Variants in EIF4G3 observed in about 807,000 individuals in gnomAD.
EIF4G3 encodes the protein eukaryotic translation initiation factor 4 gamma 3, also known as eIF-4-gamma 3.
A neutral mutation model predicts 186.4 loss-of-function variants in EIF4G3; 34 were observed. The ratio of observed to expected loss-of-function variants is 0.18; its 90% CI spans 0.14 to 0.24. The LOEUF is 0.24. EIF4G3 is among the 10% of genes least tolerant of loss of function. The pLI, the probability that EIF4G3 is intolerant of heterozygous loss-of-function variation, is 1.00. For missense variants in EIF4G3, 1,536 were observed against 1,948.5 expected (o/e 0.79, Z 3.99); for synonymous variants, 673 against 679.5 (o/e 0.99, Z 0.15).
intron 20 of EIF4G3, among the ~76,000 whole-genome samples, chr1:20,876,390 T>C (rs2080838711): frequency 6.8e-6 from 1 of 148,050 alleles, no homozygotes; most frequent in Non-Finnish European, 1.5e-5. Context: ...TATAAAAGTA[T>C]GAGTAAAATC....
chr1:21,162,651 G>A (rs2097786174), intron 2 of EIF4G3, among the ~76,000 whole-genome samples: 2 of 151,832 alleles, frequency 1.3e-5, no homozygotes, highest in South Asian at 2.1e-4. Context: ...GCTGAGGAAG[G>A]ACAGGAGAAT....
intron 3 of EIF4G3, among the ~76,000 whole-genome samples, chr1:21,071,864 C>T (rs2095452547): frequency 6.6e-6 from 1 of 151,472 alleles, no homozygotes; most frequent in Non-Finnish European, 1.5e-5. Context: ...TAAACAGCTA[C>T]TTCCCAAATG....
chr1:20,812,806 T>A (rs567838026), intron 35 of EIF4G3, among the ~76,000 whole-genome samples: 63 of 152,304 alleles, frequency 4.1e-4, no homozygotes, highest in African/African-American at 1.4e-3. Flanking sequence ...TACTGATAAT[T>A]AGATTAAGAA....
At chr1:21,106,703 T>A (rs1044870824) in intron 2 of EIF4G3, among the ~76,000 whole-genome samples, 4 of 151,462 alleles carry the variant, frequency 2.6e-5, no homozygotes, top group Admixed American at 2.6e-4. Context: ...GTAATGAACA[T>A]AAAAATAGCA....
In EIF4G3 at chr1:20,935,960, G is replaced by A. The variant is rs1337049343; in HGVS notation, c.1663+5531C>T. On this transcript the variant is annotated intron_variant, in intron 14 of 36. Coordinates refer to ENST00000602326, the MANE Select transcript of EIF4G3 (RefSeq NM_001391906.1). The stretch of plus-strand genomic sequence containing the variant: ...AAAAGGGAGCTACATTTTGAACAAA[G>A]TATAACTACTCAGAAAGATGTAGAA... Among the ~76,000 whole-genome samples the A allele has an allele frequency of 2.6e-5, 4 of 152,148 alleles. No individual in the cohort carries two copies. The East Asian group carries it at 7.7e-4, about 29-fold the overall frequency.
At chr1:21,116,304 T>C (rs1295940838) in intron 2 of EIF4G3, among the ~76,000 whole-genome samples, 1 of 152,134 alleles carries the variant, frequency 6.6e-6, no homozygotes, top group East Asian at 1.9e-4. Context: ...TATCTAAAAA[T>C]TTAGTATATC....
intron 34 of EIF4G3, among the ~76,000 whole-genome samples, chr1:20,815,655 G>GGA (rs1349378874): frequency 6.7e-6 from 1 of 149,998 alleles, no homozygotes; most frequent in Admixed American, 6.6e-5. Context: ...GAGGTGGGGG[G>GGA]GGGTCAGCCC....
intron 4 of EIF4G3, among the ~76,000 whole-genome samples, chr1:21,024,448 A>AG (rs1232491007): frequency 6.6e-6 from 1 of 150,992 alleles, no homozygotes. Flanking sequence ...TGGAATAGAA[A>AG]GGGGGGAAAG....
Position 20,809,172 on chromosome 1 carries a change from C to A in EIF4G3, c.4744+1566G>T, listed in dbSNP as rs148455063. Among the ~76,000 whole-genome samples the A allele has an allele frequency of 4.1e-3, 617 of 152,182 alleles. 8 individuals carry two copies. The highest frequency in any genetic ancestry group is 0.014 in the African/African-American group (579 of 41,522). On this transcript the variant is annotated intron_variant, in intron 36 of 36. Transcript: ENST00000602326. Reference sequence around the variant, plus strand: ...AGTTTTAGTAGAGACGGGGTTTCACCATGTTGGCCAGGCTGGTCTCAAACT... The same window carrying A: ...AGTTTTAGTAGAGACGGGGTTTCACAATGTTGGCCAGGCTGGTCTCAAACT...
intron 33 of EIF4G3, among the ~76,000 whole-genome samples, chr1:20,822,123 G>A (rs184565291): frequency 1.1e-4 from 17 of 152,124 alleles, no homozygotes; most frequent in African/African-American, 4.1e-4. Context: ...TGATCCGCCC[G>A]CCTCGGCCTC....
intron 4 of EIF4G3, among the ~76,000 whole-genome samples, chr1:21,029,769 T>C (rs1026583790): frequency 2.6e-5 from 4 of 152,174 alleles, no homozygotes; most frequent in African/African-American, 7.2e-5. Context: ...AATTAAAAGG[T>C]TGTAGGCTGT....
intron 14 of EIF4G3, among the ~76,000 whole-genome samples, chr1:20,938,693 A>G (rs572121826): frequency 1.3e-5 from 2 of 152,384 alleles, no homozygotes; most frequent in South Asian, 2.1e-4. Flanking sequence ...TGACCACGTC[A>G]GGTGGATATA....
chr1:21,058,038 C>CACT lies in EIF4G3; in HGVS notation c.-195-7047_-195-7045dup, dbSNP rs1353892990. 1.8e-4 allele frequency among the ~76,000 whole-genome samples: 28 copies of CACT among 152,282 alleles called. No homozygotes were observed. In the East Asian group the frequency reaches 4.4e-3, roughly 24 times the overall value. ...TTAGGTATAAAGTTTATTTATCTAG[C>CACT]ACTAACTTATTGGATTTGATTATAT... On this transcript the variant is annotated intron_variant, in intron 3 of 36. Coordinates refer to ENST00000602326, the MANE Select transcript of EIF4G3 (RefSeq NM_001391906.1).
intron 14 of EIF4G3, among the ~76,000 whole-genome samples, chr1:20,935,215 GC>G (rs1244518138): frequency 2.6e-5 from 4 of 152,182 alleles, no homozygotes; most frequent in Non-Finnish European, 4.4e-5. Flanking sequence ...TCTCCTGTGA[GC>G]CTGAGAAAGC....
In EIF4G3 at chr1:20,816,388, C is replaced by T. The variant is rs866031219; in HGVS notation, c.4515+1004G>A. ...GAGGTGGGGGGGTCAGCCCCCCGCC[C>T]GGCCGGCCGCCCCGTCCGGGAGGTG... On this transcript the variant is annotated intron_variant, in intron 34 of 36. Transcript: ENST00000602326. Among the ~76,000 whole-genome samples the T allele has an allele frequency of 6.4e-3, 694 of 108,948 alleles. 7 individuals carry two copies. The highest frequency in any genetic ancestry group is 0.024 in the African/African-American group (630 of 26,386). 71.5% of individuals were successfully genotyped at this position (108,948 alleles called of 152,430 possible).
intron 12 of EIF4G3, among the ~76,000 whole-genome samples, chr1:20,953,865 T>C (rs779267470): frequency 8.5e-5 from 13 of 152,114 alleles, no homozygotes; most frequent in Non-Finnish European, 1.5e-4. Context: ...TATATAAAAT[T>C]CAAATTTTGG....
chr1:20,957,992 C>T (rs2096479415), intron 12 of EIF4G3, among the ~76,000 whole-genome samples: 1 of 152,148 alleles, frequency 6.6e-6, no homozygotes, highest in Admixed American at 6.6e-5. Context: ...TGGTACCAAT[C>T]CTACTGAAAC....
Position 20,981,185 on chromosome 1 carries a change from G to A in EIF4G3, c.241C>T (p.Pro81Ser), listed in dbSNP as rs748550888. The A allele has an allele frequency of 2.9e-5, 46 of 1,613,562 alleles. No homozygotes were observed. The highest frequency in any genetic ancestry group is 3.6e-5 in the Non-Finnish European group (42 of 1,179,826). ...GGACGAATGGAAGGACTGCTGTTCGGGATGGTAGCTCTAGGAGGCTGTATT... is the reference window on the plus strand; with the variant it reads ...GGACGAATGGAAGGACTGCTGTTCGAGATGGTAGCTCTAGGAGGCTGTATT... ...PQIQPPRATI[P>S]NSSPSIRPGA... The change falls in exon 9 of 37, where the codon CCG becomes TCG. Residue 81 changes from proline to serine, a missense_variant. Physicochemically the swap from Pro to Ser is moderately conservative, Grantham distance 74. Around this residue, in one of 11 missense-constraint regions of EIF4G3, gnomAD observed 194 missense variants for 212.8 expected, o/e 0.91. Coordinates refer to ENST00000602326, the MANE Select transcript of EIF4G3 (RefSeq NM_001391906.1).
At chr1:20,894,477 T>C (rs1181100360) in intron 17 of EIF4G3, among the ~76,000 whole-genome samples, 1 of 152,194 alleles carries the variant, frequency 6.6e-6, no homozygotes, top group Non-Finnish European at 1.5e-5. Context: ...AGTAAAATAG[T>C]ATAAATGAGT....
Sources: allele counts gnomAD v4.1 joint callset (sites outside exome capture counted in the v4.1 genomes callset), GRCh38; gene constraint gnomAD v4.1.1; regional missense constraint gnomAD v4.1.1; transcripts MANE v1.5; gene names NCBI Gene and HGNC (gene_info 2026-07-23, HGNC 2026-07-21).